The following SAXO1 variants were observed in gnomAD, a reference collection of about 807,000 sequenced individuals.
The protein encoded by SAXO1 is 4930500O09Rik.
A neutral mutation model predicts 17.5 loss-of-function variants in SAXO1; 21 were observed. The observed-to-expected ratio is 1.20, with a 90% confidence interval of 0.85 to 1.72. The LOEUF (loss-of-function observed/expected upper bound fraction) is 1.72, where lower values mean the gene tolerates loss of function less well. SAXO1 is among the 40% of genes most tolerant of loss of function. SAXO1 has a pLI of 0.00. For synonymous variants in SAXO1, 274 were observed against 216.5 expected (o/e 1.27, Z -2.33); for missense variants, 843 against 596.0 (o/e 1.41, Z -4.32).
chr9:19,035,920 G>A (rs932829294), upstream of SAXO1, among the ~76,000 whole-genome samples: 8 of 152,108 alleles, frequency 5.3e-5, no homozygotes, highest in African/African-American at 1.7e-4. Flanking sequence ...AGTTTTATAA[G>A]GGAAGCAGAG....
rs529651667 is a variant in SAXO1, at chr9:19,008,276, C to T, written c.38+24595G>A. Among the ~76,000 whole-genome samples the T allele has an allele frequency of 3.3e-5, 5 of 152,270 alleles. No individual in the cohort carries two copies. The East Asian group carries it at 9.7e-4, about 29-fold the overall frequency. ...TACAGGCCTGAGCCACCATGCCCAGCCTACCTGGTCCTTTATAGAAAAAGA... is the reference window on the plus strand; with the variant it reads ...TACAGGCCTGAGCCACCATGCCCAGTCTACCTGGTCCTTTATAGAAAAAGA... On this transcript the variant is annotated intron_variant, in intron 1 of 3. Transcript: ENST00000380534.
rs114460075 is a variant in SAXO1 at position 19,016,724 on chromosome 9, T to C, written c.38+16147A>G. On this transcript the variant is annotated intron_variant, in intron 1 of 3. Transcript: ENST00000380534. Reference sequence around the variant, plus strand: ...CTCTAACCTAAGTTGAGCCTTTTCATAAATGAATACAGAAATGTAAACAAA... The same window carrying C: ...CTCTAACCTAAGTTGAGCCTTTTCACAAATGAATACAGAAATGTAAACAAA... Among the ~76,000 whole-genome samples, 465 of 150,842 alleles carry C rather than the reference T, an allele frequency of 3.1e-3. 3 individuals are homozygous for C. The highest frequency in any genetic ancestry group is 0.011 in the African/African-American group (446 of 41,210).
At chr9:19,012,092 C>T (rs1466456218) in intron 1 of SAXO1, among the ~76,000 whole-genome samples, 5 of 152,214 alleles carry the variant, frequency 3.3e-5, no homozygotes, top group African/African-American at 1.2e-4. Flanking sequence ...GATCCGCCCA[C>T]CTTGGCCTCC....
chr9:18,952,035 C>T (rs1437301338), intron 1 of SAXO1, among the ~76,000 whole-genome samples: 6 of 152,150 alleles, frequency 3.9e-5, no homozygotes, highest in African/African-American at 4.8e-5. Context: ...TGAGCTTTTC[C>T]ATTTTACTTG....
intron 3 of SAXO1, among the ~76,000 whole-genome samples, chr9:18,932,807 A>G (rs1932456): frequency 0.2 from 30,214 of 152,144 alleles, 3,461 homozygotes; most frequent in African/African-American, 0.3. Flanking sequence ...AAAAGAGAAC[A>G]GTTTTCTTGA....
In SAXO1 at chr9:18,928,314, C is replaced by G. The variant is rs149400984; in HGVS notation, c.1163G>C (p.Ser388Thr). 7.4e-4 allele frequency: 1,200 copies of G among 1,613,226 alleles called. 15 individuals are homozygous for G. The East Asian group carries it at 0.024, about 33-fold the overall frequency. Residue 388 changes from serine to threonine, a missense_variant, in exon 4 of 4, where the codon AGC becomes ACC. Coordinates refer to ENST00000380534, the MANE Select transcript of SAXO1 (RefSeq NM_153707.4). Reference protein sequence around the residue: ...YVPHLPINTKSCKPHWSGPRG... With the variant: ...YVPHLPINTKTCKPHWSGPRG... ...AGGGCCAGACCAATGAGGCTTACAG[C>G]TTTTGGTATTGATAGGCAGGTGGGG...
At chr9:18,982,805 G>A (rs1833447885) in intron 1 of SAXO1, among the ~76,000 whole-genome samples, 1 of 152,180 alleles carries the variant, frequency 6.6e-6, no homozygotes, top group Non-Finnish European at 1.5e-5. Flanking sequence ...TTCATTCACT[G>A]AATTTCTATA....
chr9:19,024,044 C>CG (rs1363131150), intron 1 of SAXO1, among the ~76,000 whole-genome samples: 2 of 83,158 alleles, frequency 2.4e-5, no homozygotes, highest in East Asian at 3.7e-4. Flanking sequence ...TTTTTTTTTG[C>CG]GGGGGAAAAG....
chr9:18,938,026 A>G (rs538573742), intron 3 of SAXO1, among the ~76,000 whole-genome samples: 2 of 152,328 alleles, frequency 1.3e-5, no homozygotes, highest in South Asian at 4.1e-4. Context: ...GAGGAAAACT[A>G]TGAACTCCAA....
intron 3 of SAXO1, among the ~76,000 whole-genome samples, chr9:18,939,245 G>A (rs1258315977): frequency 6.6e-6 from 1 of 152,168 alleles, no homozygotes; most frequent in African/African-American, 2.4e-5. Flanking sequence ...TGGTCTTCTT[G>A]TAAACACTGG....
chr9:18,980,531 G>GGGAGGGA (rs1554675117), intron 1 of SAXO1, among the ~76,000 whole-genome samples: 7 of 92,788 alleles, frequency 7.5e-5, no homozygotes, highest in East Asian at 5.4e-4. Context: ...GTAGTGGCGG[G>GGGAGGGA]GGGAGGGAGG....
intron 1 of SAXO1, among the ~76,000 whole-genome samples, chr9:18,952,249 C>CT (rs1487844613): frequency 1.3e-5 from 2 of 152,196 alleles, no homozygotes; most frequent in Non-Finnish European, 2.9e-5. Flanking sequence ...ACTTAGCTAC[C>CT]TTCATGAATG....
intron 1 of SAXO1, among the ~76,000 whole-genome samples, chr9:19,015,952 A>T (rs1026571345): frequency 2.6e-5 from 4 of 152,290 alleles, no homozygotes; most frequent in Admixed American, 1.3e-4. Flanking sequence ...TGTATGAAGT[A>T]GGGCCCAGAA....
intron 2 of SAXO1, 59 bp downstream of exon 2, chr9:18,950,698 CT>C: frequency 6.9e-7 from 1 of 1,441,910 alleles, no homozygotes; most frequent in Admixed American, 1.8e-5. Flanking sequence ...TACATTAGCA[CT>C]GCATGTTACT....
At position 18,928,458 on chromosome 9, in the gene SAXO1, G is replaced by C. The variant is rs144302765; in HGVS notation, c.1019C>G (p.Thr340Ser). ...GGACCACTGCTTGTAGTCATCCTTGGTGGTGGAAGAGCCTTCAAAGCGACC... is the reference window on the plus strand; with the variant it reads ...GGACCACTGCTTGTAGTCATCCTTGCTGGTGGAAGAGCCTTCAAAGCGACC... ...KCGRFEGSST[T>S]KDDYKQWSSM... Residue 340 changes from threonine to serine, a missense_variant, in exon 4 of 4, where the codon ACC becomes AGC. Thr to Ser is a moderately conservative substitution (Grantham distance 58). Transcript: ENST00000380534. 1 of 1,611,796 alleles carries C rather than the reference G, an allele frequency of 6.2e-7. No individual in the cohort carries two copies. Among genetic ancestry groups the C allele is most frequent in the Non-Finnish European group, 8.5e-7 (1 of 1,178,804 alleles).
chr9:19,028,184 T>C lies in SAXO1; in HGVS notation c.38+4687A>G, dbSNP rs565195144. ...CGCGGCTGAAGTGCGCAATAAAAGA[T>C]GGTTTAGAGGCAAAATAAAACAAAA... On this transcript the variant is annotated intron_variant, in intron 1 of 3. Coordinates refer to ENST00000380534, the MANE Select transcript of SAXO1 (RefSeq NM_153707.4). The C allele has an allele frequency of 8.1e-5, 104 of 1,287,864 alleles. No individual in the cohort carries two copies. The African/African-American group carries it at 1.4e-3, about 17-fold the overall frequency. 79.8% of individuals were successfully genotyped at this position (1,287,864 alleles called of 1,614,324 possible). A position where few individuals can be genotyped will look rare whatever the true frequency, so the allele number is the denominator to read the frequency against.
intron 2 of SAXO1, among the ~76,000 whole-genome samples, chr9:18,948,148 C>T (rs780095009): frequency 3.9e-5 from 6 of 152,172 alleles, no homozygotes; most frequent in Non-Finnish European, 5.9e-5. Flanking sequence ...CATCCCTTCC[C>T]CTGTAAGCCT....
At chr9:18,965,363 C>T (rs1832673113) in intron 1 of SAXO1, among the ~76,000 whole-genome samples, 1 of 152,118 alleles carries the variant, frequency 6.6e-6, no homozygotes, top group Non-Finnish European at 1.5e-5. Context: ...TAAAGTCTTC[C>T]ACTATTATTG....
intron 1 of SAXO1, among the ~76,000 whole-genome samples, chr9:18,987,759 T>C (rs138002286): frequency 1.6e-4 from 24 of 151,752 alleles, no homozygotes; most frequent in African/African-American, 5.8e-4. Context: ...TAGCTAGGTG[T>C]GGTGGCACAT....
Sources: allele counts gnomAD v4.1 joint callset (sites outside exome capture counted in the v4.1 genomes callset), GRCh38; gene constraint gnomAD v4.1.1; transcripts MANE v1.5; gene names NCBI Gene and HGNC (gene_info 2026-07-23, HGNC 2026-07-21).